CACNA1E: variants seen among roughly 807,000 people sequenced by gnomAD.
CACNA1E encodes the protein calcium voltage-gated channel subunit alpha1 E, also known as voltage-dependent R-type calcium channel subunit alpha-1E.
A neutral mutation model predicts 259.2 loss-of-function variants in CACNA1E; 40 were observed. The ratio of observed to expected loss-of-function variants is 0.15; its 90% CI spans 0.12 to 0.20. CACNA1E has a LOEUF of 0.20. Ranked by LOEUF, CACNA1E falls within the 10% of genes least tolerant of loss-of-function variation. The probability of loss-of-function intolerance (pLI) is 1.00; values close to 1 mark genes in which losing one functional copy is unlikely to be tolerated. For synonymous variants in CACNA1E, 1,104 were observed against 1,138.5 expected, an observed-to-expected ratio of 0.97 and a Z score of 0.61; for missense variants, 1,874 against 3,040.1, an observed-to-expected ratio of 0.62 and a Z score of 9.02.
At chr1:181,699,040 G>A (rs1651976596) in intron 7 of CACNA1E, among the ~76,000 whole-genome samples, 1 of 152,174 alleles carries the variant, frequency 6.6e-6, no homozygotes, top group Admixed American at 6.5e-5. Flanking sequence ...TCAAAGAATA[G>A]GTGTACAGCT....
At position 181,682,213 on chromosome 1, in the gene CACNA1E, G is replaced by A. The variant is rs568984777; in HGVS notation, c.1056-28741G>A. On this transcript the variant is annotated intron_variant, in intron 7 of 47. Coordinates refer to ENST00000367573, the MANE Select transcript of CACNA1E (RefSeq NM_001205293.3). Reference sequence around the variant, plus strand: ...TTGCCTGGTCAAGGTCTGACACTGGGACCCCGTGTGACCATAGTTCAGTTG... The same window carrying A: ...TTGCCTGGTCAAGGTCTGACACTGGAACCCCGTGTGACCATAGTTCAGTTG... 5.9e-5 allele frequency among the ~76,000 whole-genome samples: 9 copies of A among 152,292 alleles called. No homozygotes were observed. In the South Asian group the frequency reaches 1.7e-3, roughly 28 times the overall value.
chr1:181,423,921 GA>G (rs1658959453), intron 2 of CACNA1E, among the ~76,000 whole-genome samples: 2 of 152,136 alleles, frequency 1.3e-5, no homozygotes. Flanking sequence ...GAGGGGGCAG[GA>G]AGTCTCCAGG....
intron 2 of CACNA1E, among the ~76,000 whole-genome samples, chr1:181,450,062 A>G (rs890289224): frequency 8.5e-5 from 13 of 152,218 alleles, no homozygotes; most frequent in African/African-American, 3.1e-4. Flanking sequence ...GAAACTTACA[A>G]TCATGGTGGA....
chr1:181,339,319 G>A (rs1326030062), intron 1 of CACNA1E, among the ~76,000 whole-genome samples: 1 of 151,890 alleles, frequency 6.6e-6, no homozygotes, highest in East Asian at 1.9e-4. Flanking sequence ...ATTTATTTAT[G>A]CCTTTTTTTC....
intron 7 of CACNA1E, among the ~76,000 whole-genome samples, chr1:181,699,776 T>A (rs905821175): frequency 4.6e-5 from 7 of 152,094 alleles, no homozygotes; most frequent in Non-Finnish European, 8.8e-5. Context: ...CAGGAATTGC[T>A]TATGGATTGG....
At chr1:181,614,789 A>T (rs1655059903) in intron 6 of CACNA1E, among the ~76,000 whole-genome samples, 1 of 152,230 alleles carries the variant, frequency 6.6e-6, no homozygotes, top group African/African-American at 2.4e-5. Context: ...ATATAGATTA[A>T]TATCTACATA....
At chr1:181,773,526 A>G (rs946822959) in intron 37 of CACNA1E, among the ~76,000 whole-genome samples, 5 of 152,180 alleles carry the variant, frequency 3.3e-5, no homozygotes, top group Admixed American at 1.3e-4. Context: ...ATATGGAAGT[A>G]TAATGTATAA....
chr1:181,610,600 C>G (rs1346895001), intron 6 of CACNA1E, among the ~76,000 whole-genome samples: 1 of 152,184 alleles, frequency 6.6e-6, no homozygotes, highest in East Asian at 1.9e-4. Flanking sequence ...AATTTGAAAT[C>G]AGGCCTTGTG....
intron 6 of CACNA1E, among the ~76,000 whole-genome samples, chr1:181,614,613 A>G (rs1343136335): frequency 6.6e-6 from 1 of 152,254 alleles, no homozygotes; most frequent in African/African-American, 2.4e-5. Context: ...AGGCAGTAGT[A>G]CAGTTACACA....
intron 2 of CACNA1E, among the ~76,000 whole-genome samples, chr1:181,477,349 G>A (rs987999371): frequency 2.0e-5 from 3 of 152,136 alleles, no homozygotes; most frequent in Non-Finnish European, 4.4e-5. Flanking sequence ...TTGTATTCGA[G>A]CCCTTTGTGG....
At chr1:181,547,605 T>A (rs1241396101) in intron 3 of CACNA1E, among the ~76,000 whole-genome samples, 1 of 152,182 alleles carries the variant, frequency 6.6e-6, no homozygotes, top group African/African-American at 2.4e-5. Context: ...CAGCGCTCCT[T>A]CCACCACACC....
In CACNA1E at chr1:181,501,068, C is replaced by A. The variant is rs536484754; in HGVS notation, c.267-9409C>A. On this transcript the variant is annotated intron_variant, in intron 1 of 47. Coordinates refer to ENST00000367573, the MANE Select transcript of CACNA1E (RefSeq NM_001205293.3). Reference sequence around the variant, plus strand: ...TCTCGTTTCTGAAACAGGTAATTTTCCCACTGCTGTTTTGTTTTCTTCCAG... The same window carrying A: ...TCTCGTTTCTGAAACAGGTAATTTTACCACTGCTGTTTTGTTTTCTTCCAG... Among the ~76,000 whole-genome samples the A allele has an allele frequency of 1.1e-4, 17 of 152,306 alleles. No individual in the cohort carries two copies. The South Asian group carries it at 3.5e-3, about 32-fold the overall frequency.
intron 3 of CACNA1E, among the ~76,000 whole-genome samples, chr1:181,514,331 A>G (rs1206734210): frequency 1.3e-5 from 2 of 152,240 alleles, no homozygotes; most frequent in Non-Finnish European, 2.9e-5. Context: ...TGTAGATTCA[A>G]TGACATGTGA....
chr1:181,436,965 AC>A (rs1279535008), intron 2 of CACNA1E, among the ~76,000 whole-genome samples: 1 of 152,164 alleles, frequency 6.6e-6, no homozygotes, highest in Non-Finnish European at 1.5e-5. Context: ...ATCACATTAA[AC>A]CCCATAAATA....
chr1:181,566,200 G>A (rs1267937123), intron 3 of CACNA1E, among the ~76,000 whole-genome samples: 1 of 152,146 alleles, frequency 6.6e-6, no homozygotes, highest in African/African-American at 2.4e-5. Flanking sequence ...GCTTTTGAAA[G>A]CACTCCAAAT....
intron 6 of CACNA1E, among the ~76,000 whole-genome samples, chr1:181,641,571 C>A (rs959039608): frequency 6.6e-6 from 1 of 152,132 alleles, no homozygotes; most frequent in Non-Finnish European, 1.5e-5. Context: ...ATCCTTGCTC[C>A]TATCTTCATT....
chr1:181,807,566 G>T lies in CACNA1E; in HGVS notation c.*8732G>T, dbSNP rs541573910. On this transcript the variant is annotated 3_prime_UTR_variant, in exon 48 of 48. Coordinates refer to ENST00000367573, the MANE Select transcript of CACNA1E (RefSeq NM_001205293.3). ...CTGTCTGCTTCATTCTGCTTGAGGAGATATCTTCACCTAATCCTAGTGTTA... is the reference window on the plus strand; with the variant it reads ...CTGTCTGCTTCATTCTGCTTGAGGATATATCTTCACCTAATCCTAGTGTTA... 184 of 151,778 alleles carry T rather than the reference G, an allele frequency of 1.2e-3. No individual in the cohort carries two copies. Among genetic ancestry groups the T allele is most frequent in the African/African-American group, 4.3e-3 (180 of 41,402 alleles). 9.4% of individuals were successfully genotyped at this position (151,778 alleles called of 1,614,324 possible). A position where few individuals can be genotyped will look rare whatever the true frequency, so the allele number is the denominator to read the frequency against.
chr1:181,690,844 G>GT (rs534181364), intron 7 of CACNA1E, among the ~76,000 whole-genome samples: 1 of 151,920 alleles, frequency 6.6e-6, no homozygotes, highest in Non-Finnish European at 1.5e-5. Flanking sequence ...CTTTGTTCTA[G>GT]TTTTTTTTAA....
In CACNA1E at chr1:181,752,246, T is replaced by A; in HGVS notation, c.3828+7T>A. On this transcript the variant is annotated splice_region_variant and intron_variant, in intron 27 of 47. Transcript: ENST00000367573. ...GCGCTTGCCCAAGCTCAAGGTAGTG[T>A]TTACAGAGTTTGTTCCCATCAAATC... 1 of 1,600,346 alleles carries A rather than the reference T, an allele frequency of 6.2e-7. No individual in the cohort carries two copies. The highest frequency in any genetic ancestry group is 1.1e-5 in the South Asian group (1 of 90,814).
Sources: allele counts gnomAD v4.1 joint callset (sites outside exome capture counted in the v4.1 genomes callset), GRCh38; gene constraint gnomAD v4.1.1; transcripts MANE v1.5; gene names NCBI Gene and HGNC (gene_info 2026-07-23, HGNC 2026-07-21).